ZNF280D: variants seen among roughly 807,000 people sequenced by gnomAD.
ZNF280D encodes the protein zinc finger protein 280D.
In ZNF280D, 39 loss-of-function variants were observed where a neutral mutation model predicts 94.7. The ratio of observed to expected loss-of-function variants is 0.41; its 90% CI spans 0.32 to 0.54. The LOEUF is 0.54. Among genes scored for constraint, ZNF280D ranks in the 20% least tolerant of loss-of-function variants. The pLI is 0.22. For synonymous variants in ZNF280D, 398 were observed against 377.6 expected (o/e 1.05, Z -0.63); for missense variants, 1,090 against 1,149.3 (o/e 0.95, Z 0.75).
At chr15:56,647,596 A>G (rs118156819) in intron 19 of ZNF280D, among the ~76,000 whole-genome samples, 11 of 152,254 alleles carry the variant, frequency 7.2e-5, no homozygotes, top group Non-Finnish European at 1.5e-4. Flanking sequence ...CAGTGGTATG[A>G]TCACGGCTCA....
At chr15:56,639,450 G>T (rs1244503844) in intron 20 of ZNF280D, among the ~76,000 whole-genome samples, 2 of 151,972 alleles carry the variant, frequency 1.3e-5, no homozygotes, top group Non-Finnish European at 1.5e-5. Context: ...AAACTCCAAA[G>T]GTTTGTCAGA....
intron 16 of ZNF280D, among the ~76,000 whole-genome samples, chr15:56,663,700 C>T (rs978036709): frequency 8.5e-5 from 13 of 152,200 alleles, no homozygotes; most frequent in African/African-American, 1.2e-4. Context: ...TTGTATATTG[C>T]AAACTAATTA....
intron 10 of ZNF280D, among the ~76,000 whole-genome samples, chr15:56,680,826 A>G (rs1193018075): frequency 6.6e-6 from 1 of 152,180 alleles, no homozygotes; most frequent in Non-Finnish European, 1.5e-5. Flanking sequence ...GAAAGGCCAA[A>G]AAAATACTGC....
chr15:56,733,306 C>T (rs1411660676), intron 1 of ZNF280D, among the ~76,000 whole-genome samples, 152 bp downstream of exon 1: 1 of 152,052 alleles, frequency 6.6e-6, no homozygotes, highest in African/African-American at 2.4e-5. Flanking sequence ...GCCGCGCAGC[C>T]GGTCTCCTCC....
At chr15:56,679,982 A>C (rs554937000) in intron 10 of ZNF280D, among the ~76,000 whole-genome samples, 2 of 152,278 alleles carry the variant, frequency 1.3e-5, no homozygotes, top group East Asian at 3.8e-4. Context: ...TTCAGCACTT[A>C]AAGTCTATTA....
intron 17 of ZNF280D, among the ~76,000 whole-genome samples, chr15:56,655,931 C>T (rs2053524246): frequency 6.6e-6 from 1 of 152,054 alleles, no homozygotes; most frequent in Admixed American, 6.5e-5. Context: ...GAATTGTAAA[C>T]AGAACTCTTG....
Position 56,666,967 on chromosome 15 carries a change from A to C in ZNF280D, c.1565T>G (p.Val522Gly). 6.2e-7 allele frequency: 1 copy of C among 1,601,978 alleles called. No homozygotes were observed. Residue 522 changes from valine to glycine, a missense_variant, in exon 15 of 22, where the codon GTT becomes GGT. Coordinates refer to ENST00000267807, the MANE Select transcript of ZNF280D (RefSeq NM_017661.4). ...TGAAGCTCCTGATTGCAGAGGTCCA[A>C]CTGAAGCTCGAATAGTAACCTACAA... ...PGTKVTIRAS[V>G]GPLQSGASPT...
At chr15:56,679,884 T>A (rs1304962589) in intron 10 of ZNF280D, among the ~76,000 whole-genome samples, 1 of 152,226 alleles carries the variant, frequency 6.6e-6, no homozygotes, top group African/African-American at 2.4e-5. Context: ...ACAACAGCTC[T>A]ACAAATGCTT....
chr15:56,674,209 C>A (rs1453593931), intron 13 of ZNF280D, among the ~76,000 whole-genome samples: 1 of 151,968 alleles, frequency 6.6e-6, no homozygotes, highest in African/African-American at 2.4e-5. Context: ...AAAATATCTG[C>A]CTTTTCATTC....
In ZNF280D at chr15:56,654,468, A is replaced by C; in HGVS notation, c.2093T>G (p.Leu698Arg). The C allele has an allele frequency of 6.2e-7, 1 of 1,609,362 alleles. No homozygotes were observed. Among genetic ancestry groups the C allele is most frequent in the Non-Finnish European group, 8.5e-7 (1 of 1,178,698 alleles). ...ATTATCTAAGCCAGAAACATCACTTAGGAAATCACAATTAAGGCACACTAG... is the reference window on the plus strand; with the variant it reads ...ATTATCTAAGCCAGAAACATCACTTCGGAAATCACAATTAAGGCACACTAG... ...ITLVCLNCDF[L>R]SDVSGLDNMA... The change falls in exon 18 of 22, where the codon CTA becomes CGA. Residue 698 changes from leucine (L) to arginine (R), a missense_variant. Around this residue, in one of 3 missense-constraint regions of ZNF280D, gnomAD observed 577 missense variants for 568.8 expected, o/e 1.01. Transcript: ENST00000267807.
At chr15:56,648,713 T>A (rs931778030) in intron 19 of ZNF280D, among the ~76,000 whole-genome samples, 7 of 152,156 alleles carry the variant, frequency 4.6e-5, no homozygotes, top group African/African-American at 1.7e-4. Flanking sequence ...AGTAAATAAA[T>A]GCAAAACACT....
Position 56,697,589 on chromosome 15 carries a change from T to C in ZNF280D, c.381+3344A>G, listed in dbSNP as rs112102080. 2.2e-3 allele frequency among the ~76,000 whole-genome samples: 335 copies of C among 152,342 alleles called. 2 individuals carry two copies. Among genetic ancestry groups the C allele is most frequent in the African/African-American group, 7.7e-3 (319 of 41,590 alleles). On this transcript the variant is annotated intron_variant, in intron 6 of 21. Transcript: ENST00000267807. Reference sequence around the variant, plus strand: ...TATTGTTCTTATTATTTAAACAATATACATTTTTAGGAAAATGTACTACTA... The same window carrying C: ...TATTGTTCTTATTATTTAAACAATACACATTTTTAGGAAAATGTACTACTA...
intron 19 of ZNF280D, among the ~76,000 whole-genome samples, chr15:56,649,492 C>T (rs1291766001): frequency 1.3e-5 from 2 of 151,910 alleles, no homozygotes; most frequent in African/African-American, 2.4e-5. Context: ...TCCTAAAGAT[C>T]GGTTTGAGAT....
Position 56,649,279 on chromosome 15 carries a change from T to C in ZNF280D, c.2213+4919A>G, listed in dbSNP as rs569927882. On this transcript the variant is annotated intron_variant, in intron 19 of 21. Transcript: ENST00000267807. Reference sequence around the variant, plus strand: ...GAAAAAAATGGTAGTAACCTCAGAATCACTGGTAGAGATTGGTACAGTTTG... The same window carrying C: ...GAAAAAAATGGTAGTAACCTCAGAACCACTGGTAGAGATTGGTACAGTTTG... 5.3e-5 allele frequency among the ~76,000 whole-genome samples: 8 copies of C among 152,232 alleles called. No homozygotes were observed. In the East Asian group the frequency reaches 1.5e-3, roughly 29 times the overall value.
At position 56,666,860 on chromosome 15, in the gene ZNF280D, C is replaced by G; in HGVS notation, c.1672G>C (p.Ala558Pro). The G allele has an allele frequency of 1.2e-6, 2 of 1,613,796 alleles. No individual in the cohort carries two copies. The highest frequency in any genetic ancestry group is 1.7e-6 in the Non-Finnish European group (2 of 1,179,854). ...TTAGGTTTACTTGTATTAGATTTTG[C>G]AGGATTTTTAGCAGTTATATTTTTA... is the stretch of plus-strand genomic sequence containing the variant. ...RTKNITAKNP[A>P]KSNTSKPNTV... is the part of the protein sequence containing the mutation. Residue 558 changes from alanine (A) to proline (P), a missense_variant, in exon 15 of 22, where the codon GCA becomes CCA. Around this residue, in one of 3 missense-constraint regions of ZNF280D, gnomAD observed 577 missense variants for 568.8 expected, o/e 1.01. Coordinates refer to ENST00000267807, the MANE Select transcript of ZNF280D (RefSeq NM_017661.4).
At chr15:56,723,393 T>C (rs544183146) in intron 1 of ZNF280D, among the ~76,000 whole-genome samples, 1 of 152,194 alleles carries the variant, frequency 6.6e-6, no homozygotes, top group Non-Finnish European at 1.5e-5. Context: ...TATTTATATC[T>C]AATATTCAGA....
chr15:56,720,970 T>TGGGG (rs58898538), intron 1 of ZNF280D, among the ~76,000 whole-genome samples: 1 of 26,574 alleles, frequency 3.8e-5, no homozygotes. Context: ...GCATTTTTTT[T>TGGGG]GGGGGGGGGG....
Position 56,668,796 on chromosome 15 carries a change from G to A in ZNF280D, c.1545+27C>T, listed in dbSNP as rs937263938. Reference sequence around the variant, plus strand: ...GTTAATTTCTATTATCATACAAAATGTTAAAATACAATATATTTTAACTCA... The same window carrying A: ...GTTAATTTCTATTATCATACAAAATATTAAAATACAATATATTTTAACTCA... On this transcript the variant is annotated intron_variant, in intron 14 of 21. Transcript: ENST00000267807. 6 of 1,552,080 alleles carry A rather than the reference G, an allele frequency of 3.9e-6. No individual in the cohort carries two copies. In the South Asian group the frequency reaches 7.4e-5, roughly 19 times the overall value.
chr15:56,657,451 C>T (rs543253771), intron 17 of ZNF280D, among the ~76,000 whole-genome samples: 1 of 152,112 alleles, frequency 6.6e-6, no homozygotes, highest in African/African-American at 2.4e-5. Flanking sequence ...TGTTGGCGAG[C>T]CTTATTTTTG....
Sources: allele counts gnomAD v4.1 joint callset (sites outside exome capture counted in the v4.1 genomes callset), GRCh38; gene constraint gnomAD v4.1.1; regional missense constraint gnomAD v4.1.1; transcripts MANE v1.5; gene names NCBI Gene and HGNC (gene_info 2026-07-23, HGNC 2026-07-21).